Variants in C8orf34 observed in about 807,000 individuals in gnomAD.
C8orf34 encodes the protein uncharacterized protein C8orf34.
In C8orf34, 65 loss-of-function variants were observed where a neutral mutation model predicts 68.3. The ratio of observed to expected loss-of-function variants is 0.95; its 90% CI spans 0.78 to 1.17. C8orf34 has a LOEUF of 1.17. Among genes scored for constraint, C8orf34 ranks in the 50% most tolerant of loss-of-function variants. The pLI, the probability that C8orf34 is intolerant of heterozygous loss-of-function variation, is 0.00. For missense variants in C8orf34, 664 were observed against 655.4 expected (o/e 1.01, Z -0.14); for synonymous variants, 244 against 241.2 (o/e 1.01, Z -0.11).
intron 4 of C8orf34, among the ~76,000 whole-genome samples, chr8:68,476,935 G>C (rs903330537): frequency 6.6e-6 from 1 of 152,154 alleles, no homozygotes; most frequent in African/African-American, 2.4e-5. Context: ...AGTGGTCTGG[G>C]TTGTAATTCA....
intron 5 of C8orf34, among the ~76,000 whole-genome samples, chr8:68,495,490 A>G (rs1813487458): frequency 6.6e-6 from 1 of 152,320 alleles, no homozygotes; most frequent in South Asian, 2.1e-4. Flanking sequence ...AGTATTATCC[A>G]CATTTGACAG....
intron 8 of C8orf34, among the ~76,000 whole-genome samples, chr8:68,703,610 AG>A (rs928966838): frequency 5.9e-5 from 9 of 152,152 alleles, no homozygotes; most frequent in African/African-American, 2.2e-4. Flanking sequence ...TCAAATGCTC[AG>A]GGATTTTAGT....
At chr8:68,548,825 T>C (rs1815972472) in intron 7 of C8orf34, among the ~76,000 whole-genome samples, 1 of 151,844 alleles carries the variant, frequency 6.6e-6, no homozygotes, top group African/African-American at 2.4e-5. Context: ...TACAATAGAA[T>C]ACTGTTTAAC....
intron 1 of C8orf34, among the ~76,000 whole-genome samples, chr8:68,432,542 A>G (rs1351399493): frequency 6.6e-6 from 1 of 152,066 alleles, no homozygotes; most frequent in Non-Finnish European, 1.5e-5. Flanking sequence ...TCCTGAACTC[A>G]AGTGATCTGC....
intron 10 of C8orf34, among the ~76,000 whole-genome samples, chr8:68,725,226 G>A (rs904518764): frequency 3.9e-5 from 6 of 152,114 alleles, no homozygotes; most frequent in Non-Finnish European, 8.8e-5. Context: ...GGAAGATGAA[G>A]ATAATTAAGA....
chr8:68,333,841 A>G (rs1805734836), intron 1 of C8orf34, among the ~76,000 whole-genome samples: 1 of 152,134 alleles, frequency 6.6e-6, no homozygotes, highest in Non-Finnish European at 1.5e-5. Flanking sequence ...CTTGTCATCT[A>G]TGCTTTGTTG....
intron 12 of C8orf34, among the ~76,000 whole-genome samples, chr8:68,806,504 A>G (rs1193966177): frequency 6.6e-6 from 1 of 152,062 alleles, no homozygotes; most frequent in Middle Eastern, 3.2e-3. Flanking sequence ...GATATCTGTC[A>G]TTTTATTTTC....
intron 7 of C8orf34, among the ~76,000 whole-genome samples, chr8:68,624,975 G>T (rs532363275): frequency 6.7e-6 from 1 of 150,264 alleles, no homozygotes. Context: ...TAACTTATTA[G>T]TAAATAGACA....
chr8:68,603,169 G>A (rs1292225016), intron 7 of C8orf34, among the ~76,000 whole-genome samples: 1 of 152,042 alleles, frequency 6.6e-6, no homozygotes, highest in Non-Finnish European at 1.5e-5. Flanking sequence ...GCAAGAAGAA[G>A]CACCTGGGAG....
chr8:68,709,152 A>C, intron 9 of C8orf34, 73 bp downstream of exon 9: 1 of 1,096,430 alleles, frequency 9.1e-7, no homozygotes, highest in Non-Finnish European at 1.4e-6. Context: ...AAGGAAAAAA[A>C]CTAAACCAAA....
chr8:68,735,475 A>G (rs1433967270), intron 10 of C8orf34, among the ~76,000 whole-genome samples: 3 of 152,120 alleles, frequency 2.0e-5, no homozygotes, highest in African/African-American at 7.2e-5. Flanking sequence ...TTATAAAAGT[A>G]TTTTCTTTGC....
chr8:68,607,849 G>A (rs1481684228), intron 7 of C8orf34, among the ~76,000 whole-genome samples: 1 of 152,054 alleles, frequency 6.6e-6, no homozygotes, highest in African/African-American at 2.4e-5. Context: ...TCTTGATTAT[G>A]TTTTGGCAAA....
At chr8:68,527,093 C>G (rs985401122) in intron 6 of C8orf34, among the ~76,000 whole-genome samples, 6 of 152,164 alleles carry the variant, frequency 3.9e-5, no homozygotes, top group Admixed American at 3.3e-4. Flanking sequence ...AACTGCTAGT[C>G]TTTCTCATCA....
At chr8:68,625,939 G>A (rs1563570972) in intron 7 of C8orf34, among the ~76,000 whole-genome samples, 2 of 152,122 alleles carry the variant, frequency 1.3e-5, no homozygotes, top group Non-Finnish European at 2.9e-5. Flanking sequence ...CTGGTGTAAT[G>A]ATATATTTTT....
At chr8:68,780,523 T>C (rs974687231) in intron 11 of C8orf34, among the ~76,000 whole-genome samples, 2 of 152,198 alleles carry the variant, frequency 1.3e-5, no homozygotes, top group Non-Finnish European at 2.9e-5. Context: ...GTTATTACTC[T>C]CTCTCTTTCA....
chr8:68,689,211 A>G (rs1332709857), intron 8 of C8orf34, among the ~76,000 whole-genome samples: 1 of 152,028 alleles, frequency 6.6e-6, no homozygotes, highest in African/African-American at 2.4e-5. Context: ...AAAGACATAC[A>G]GAGAGATATA....
At chr8:68,515,984 A>G (rs936127152) in intron 5 of C8orf34, among the ~76,000 whole-genome samples, 3 of 152,218 alleles carry the variant, frequency 2.0e-5, no homozygotes, top group Non-Finnish European at 4.4e-5. Context: ...GTATAGATCA[A>G]TGTGCATAGA....
chr8:68,597,284 C>A (rs1286653198), intron 7 of C8orf34, among the ~76,000 whole-genome samples: 1 of 152,002 alleles, frequency 6.6e-6, no homozygotes, highest in Non-Finnish European at 1.5e-5. Flanking sequence ...GGGTCACATG[C>A]GCATTCTCAT....
chr8:68,725,726 A>C (rs1323876419), intron 10 of C8orf34, among the ~76,000 whole-genome samples: 4 of 152,162 alleles, frequency 2.6e-5, no homozygotes, highest in Non-Finnish European at 5.9e-5. Flanking sequence ...TAGACAGGGC[A>C]GGACAAAAAC....
Sources: gnomAD v4.1 joint callset for allele counts (sites outside exome capture counted in the v4.1 genomes callset) on GRCh38, gnomAD v4.1.1 for gene constraint, MANE v1.5 for transcripts, NCBI Gene and HGNC (gene_info 2026-07-23, HGNC 2026-07-21) for gene names.